Variants in CACNA1E observed in about 807,000 individuals in gnomAD.
The protein encoded by CACNA1E is calcium voltage-gated channel subunit alpha1 E, also known as voltage-dependent R-type calcium channel subunit alpha-1E.
In CACNA1E, 40 loss-of-function variants were observed where a neutral mutation model predicts 259.2. The ratio of observed to expected loss-of-function variants is 0.15; its 90% CI spans 0.12 to 0.20. CACNA1E has a LOEUF of 0.20. CACNA1E is among the 10% of genes least tolerant of loss of function. CACNA1E has a pLI of 1.00. For missense variants in CACNA1E, 1,874 were observed against 3,040.1 expected (o/e 0.62, Z 9.02); for synonymous variants, 1,104 against 1,138.5 (o/e 0.97, Z 0.61).
intron 3 of CACNA1E, among the ~76,000 whole-genome samples, chr1:181,553,228 G>T (rs1216750604): frequency 1.3e-5 from 2 of 152,242 alleles, no homozygotes; most frequent in Non-Finnish European, 2.9e-5. Context: ...TCCCTTGTTA[G>T]CTGTATTCCT....
At chr1:181,704,366 A>G (rs1186096539) in intron 7 of CACNA1E, among the ~76,000 whole-genome samples, 1 of 152,114 alleles carries the variant, frequency 6.6e-6, no homozygotes, top group African/African-American at 2.4e-5. Context: ...AAATGAAACC[A>G]CTGCCAACAC....
intron 1 of CACNA1E, among the ~76,000 whole-genome samples, chr1:181,486,145 C>T (rs1663795414): frequency 6.6e-6 from 1 of 152,378 alleles, no homozygotes. Context: ...CTTACTCCTC[C>T]CTTTCCTTGT....
intron 3 of CACNA1E, among the ~76,000 whole-genome samples, chr1:181,562,809 G>A: frequency 6.6e-6 from 1 of 152,090 alleles, no homozygotes; most frequent in Admixed American, 6.6e-5. Context: ...TGTTGTGAGA[G>A]TAACCTCTTG....
chr1:181,360,183 A>AC (rs1483707191), intron 1 of CACNA1E, among the ~76,000 whole-genome samples: 14 of 152,174 alleles, frequency 9.2e-5, no homozygotes, highest in African/African-American at 2.9e-4. Flanking sequence ...ACCCTAAAAA[A>AC]CATAGGGTTT....
chr1:181,782,434 A>G (rs1660502808), intron 39 of CACNA1E, among the ~76,000 whole-genome samples: 1 of 152,188 alleles, frequency 6.6e-6, no homozygotes, highest in Non-Finnish European at 1.5e-5. Context: ...AGAACTCTGG[A>G]GCTCTTTCAT....
chr1:181,707,897 G>A (rs2102409140), intron 7 of CACNA1E, among the ~76,000 whole-genome samples: 1 of 152,280 alleles, frequency 6.6e-6, no homozygotes, highest in African/African-American at 2.4e-5. Flanking sequence ...TAGAAGGAGA[G>A]ACATACAGCT....
intron 3 of CACNA1E, among the ~76,000 whole-genome samples, chr1:181,539,467 C>G (rs1441717450): frequency 3.9e-5 from 6 of 152,230 alleles, no homozygotes; most frequent in African/African-American, 1.4e-4. Context: ...TCAAGGATAC[C>G]TTTAAGGCCA....
At chr1:181,426,896 ACTCAACCCCTTCCCAT>A (rs1659306550) in intron 2 of CACNA1E, among the ~76,000 whole-genome samples, 1 of 108,620 alleles carries the variant, frequency 9.2e-6, no homozygotes, top group Non-Finnish European at 1.9e-5. Context: ...CCCCTTCACA[ACTCAACCCCTTCCCAT>A]CTCAACCCTT....
chr1:181,774,700 CTG>C (rs1659819366), intron 37 of CACNA1E, among the ~76,000 whole-genome samples: 1 of 152,252 alleles, frequency 6.6e-6, no homozygotes, highest in Non-Finnish European at 1.5e-5. Flanking sequence ...CCAGCAGTCT[CTG>C]TGTTGTAGAA....
chr1:181,726,402 G>T (rs1322717141), intron 18 of CACNA1E, among the ~76,000 whole-genome samples: 3 of 152,214 alleles, frequency 2.0e-5, no homozygotes, highest in Non-Finnish European at 4.4e-5. Context: ...ATGAAACAGG[G>T]TCCTATGGTG....
chr1:181,595,086 C>T (rs1027868950), intron 6 of CACNA1E, among the ~76,000 whole-genome samples: 5 of 152,168 alleles, frequency 3.3e-5, no homozygotes, highest in Non-Finnish European at 7.3e-5. Flanking sequence ...TTCCTTTGTG[C>T]TCAAAGCATC....
chr1:181,344,895 C>T (rs1034707175), intron 1 of CACNA1E, among the ~76,000 whole-genome samples: 18 of 152,232 alleles, frequency 1.2e-4, no homozygotes, highest in African/African-American at 3.1e-4. Flanking sequence ...AGCTAACCAG[C>T]TCTGAGGCCA....
At chr1:181,604,304 A>T (rs1467615636) in intron 6 of CACNA1E, among the ~76,000 whole-genome samples, 4 of 151,872 alleles carry the variant, frequency 2.6e-5, no homozygotes, top group Non-Finnish European at 5.9e-5. Context: ...AGTAACCAGG[A>T]CCCCCAGACC....
At position 181,807,711 on chromosome 1, in the gene CACNA1E, A is replaced by G. The variant is rs1662726284; in HGVS notation, c.*8877A>G. The G allele has an allele frequency of 6.6e-6, 1 of 152,072 alleles. No homozygotes were observed. Among genetic ancestry groups the G allele is most frequent in the South Asian group, 2.1e-4 (1 of 4,826 alleles). 9.4% of individuals were successfully genotyped at this position (152,072 alleles called of 1,614,324 possible). A position where few individuals can be genotyped will look rare whatever the true frequency, so the allele number is the denominator to read the frequency against. The stretch of plus-strand genomic sequence containing the variant: ...CTTGAGCCCTAAGATATATGACTTT[A>G]TTAGCTAGGATTTTTCTTATGATTA... On this transcript the variant is annotated 3_prime_UTR_variant, in exon 48 of 48. Coordinates refer to ENST00000367573, the MANE Select transcript of CACNA1E (RefSeq NM_001205293.3).
chr1:181,439,041 A>C (rs1478462312), intron 2 of CACNA1E, among the ~76,000 whole-genome samples: 1 of 152,234 alleles, frequency 6.6e-6, no homozygotes, highest in African/African-American at 2.4e-5. Context: ...AGTAAAAAAC[A>C]ATAGGAACTG....
At chr1:181,395,229 C>T (rs1656588685) in intron 1 of CACNA1E, among the ~76,000 whole-genome samples, 1 of 152,050 alleles carries the variant, frequency 6.6e-6, no homozygotes, top group African/African-American at 2.4e-5. Flanking sequence ...ATAGCATTCA[C>T]TGATGATTGG....
intron 38 of CACNA1E, among the ~76,000 whole-genome samples, chr1:181,778,082 A>T (rs1042202212): frequency 6.6e-6 from 1 of 152,236 alleles, no homozygotes; most frequent in Non-Finnish European, 1.5e-5. Context: ...ACTGGGAAAG[A>T]GCATAAAGAC....
intron 6 of CACNA1E, among the ~76,000 whole-genome samples, chr1:181,600,190 C>A (rs938887873): frequency 2.0e-5 from 3 of 152,052 alleles, no homozygotes; most frequent in Non-Finnish European, 4.4e-5. Flanking sequence ...GTGCAGGGAC[C>A]CAAAGTGGTT....
At chr1:181,541,844 G>A (rs1452452405) in intron 3 of CACNA1E, among the ~76,000 whole-genome samples, 1 of 152,220 alleles carries the variant, frequency 6.6e-6, no homozygotes. Context: ...TACTAACACA[G>A]TGATCACTGC....
Sources: allele counts gnomAD v4.1 joint callset (sites outside exome capture counted in the v4.1 genomes callset), GRCh38; gene constraint gnomAD v4.1.1; transcripts MANE v1.5; gene names NCBI Gene and HGNC (gene_info 2026-07-23, HGNC 2026-07-21).